ZNF765: variants seen among roughly 807,000 people sequenced by gnomAD.
ZNF765 encodes the protein zinc finger protein 765.
Under a neutral mutation model 44.7 loss-of-function variants are expected in ZNF765, and 37 were observed. The observed-to-expected ratio is 0.83, with a 90% CI of 0.64 to 1.09. The LOEUF is 1.09. ZNF765 is among the 50% of genes least tolerant of loss of function. The pLI, the probability that ZNF765 is intolerant of heterozygous loss-of-function variation, is 0.00. For synonymous variants in ZNF765, 201 were observed against 213.7 expected (o/e 0.94, Z 0.52); for missense variants, 594 against 626.1 (o/e 0.95, Z 0.55).
chr19:53,402,719 C>T (rs10420159), intron 3 of ZNF765, among the ~76,000 whole-genome samples: 127,445 of 151,974 alleles, frequency 0.84, 53,583 homozygotes, highest in Admixed American at 0.88. Context: ...GCCACCATGT[C>T]GGGCAACTTT....
intron 3 of ZNF765, among the ~76,000 whole-genome samples, chr19:53,418,931 A>AAG (rs56072251): frequency 7.2e-6 from 1 of 139,200 alleles, no homozygotes; most frequent in African/African-American, 2.7e-5. Context: ...AAAAAAAAAA[A>AAG]GTCCAGATAA....
At chr19:53,399,246 C>G (rs980839199) in intron 2 of ZNF765, among the ~76,000 whole-genome samples, 3 of 136,954 alleles carry the variant, frequency 2.2e-5, no homozygotes, top group Non-Finnish European at 3.1e-5. Context: ...TCCCCCACCC[C>G]ACAACAGTCC....
chr19:53,419,262 G>T (rs7250240), intron 3 of ZNF765, among the ~76,000 whole-genome samples: 25,323 of 152,108 alleles, frequency 0.17, 2,181 homozygotes, highest in South Asian at 0.19. Context: ...TTAGAAGTAT[G>T]CCCTTATGAC....
At chr19:53,421,668 C>T (rs1347831133) in intron 3 of ZNF765, among the ~76,000 whole-genome samples, 1 of 152,136 alleles carries the variant, frequency 6.6e-6, no homozygotes, top group African/African-American at 2.4e-5. Context: ...GTGCCTGCCA[C>T]TATTCCTGGC....
At chr19:53,412,385 C>T (rs2085840720), downstream of ZNF765, among the ~76,000 whole-genome samples, 1 of 152,150 alleles carries the variant, frequency 6.6e-6, no homozygotes, top group African/African-American at 2.4e-5. Context: ...ACTTGAATAT[C>T]TACAATCCTT....
chr19:53,421,465 T>C (rs533585304), intron 3 of ZNF765, among the ~76,000 whole-genome samples: 5 of 152,340 alleles, frequency 3.3e-5, no homozygotes, highest in African/African-American at 1.2e-4. Flanking sequence ...CATCCACAGG[T>C]GTAGAGGGGC....
chr19:53,398,704 G>A (rs1356870088), intron 2 of ZNF765, among the ~76,000 whole-genome samples: 1 of 152,128 alleles, frequency 6.6e-6, no homozygotes, highest in South Asian at 2.1e-4. Flanking sequence ...TGTGAAACAG[G>A]TGTTTTGGTT....
chr19:53,422,223 GA>G (rs1253277975), intron 3 of ZNF765, among the ~76,000 whole-genome samples: 1 of 152,150 alleles, frequency 6.6e-6, no homozygotes, highest in Non-Finnish European at 1.5e-5. Flanking sequence ...TTCATTATTG[GA>G]AGAACCCCGC....
Position 53,408,034 on chromosome 19 carries a change from T to A in ZNF765, c.479T>A (p.Ile160Asn). Residue 160 changes from isoleucine to asparagine, a missense_variant, in exon 4 of 4, where the codon ATT becomes AAT. By Grantham distance (149) the Ile-to-Asn change is moderately radical. Coordinates refer to ENST00000396408, the MANE Select transcript of ZNF765 (RefSeq NM_001040185.3). ...CACATATTTCACACTGAAGAGAAAA[T>A]TGATAATCAAGTTGTGAAGTCTATC... Reference protein sequence around the residue: ...ELHIFHTEEKIDNQVVKSIHD... With the variant: ...ELHIFHTEEKNDNQVVKSIHD... 1 of 1,614,124 alleles carries A rather than the reference T, an allele frequency of 6.2e-7. No homozygotes were observed. Among genetic ancestry groups the A allele is most frequent in the Non-Finnish European group, 8.5e-7 (1 of 1,180,020 alleles).
chr19:53,412,765 C>G (rs191550721), downstream of ZNF765, among the ~76,000 whole-genome samples: 11 of 152,172 alleles, frequency 7.2e-5, no homozygotes, highest in Admixed American at 7.2e-4. Context: ...GTGATCCACC[C>G]GCCTCGGCCT....
intron 3 of ZNF765, among the ~76,000 whole-genome samples, chr19:53,419,722 AAAAT>A (rs779163839): frequency 3.3e-5 from 5 of 152,190 alleles, no homozygotes; most frequent in Non-Finnish European, 7.3e-5. Flanking sequence ...TGGCCAATTA[AAAAT>A]AAATAAATGT....
At chr19:53,417,475 C>T (rs2085882268) in intron 3 of ZNF765, among the ~76,000 whole-genome samples, 1 of 152,168 alleles carries the variant, frequency 6.6e-6, no homozygotes, top group African/African-American at 2.4e-5. Context: ...TTTTTTATGG[C>T]TGCATAGTAT....
chr19:53,415,455 TGAAATTGTGTAGGC>T, downstream of ZNF765, among the ~76,000 whole-genome samples: 1 of 152,302 alleles, frequency 6.6e-6, no homozygotes, highest in Middle Eastern at 3.4e-3. Flanking sequence ...AGATATTCTA[TGAAATTGTGTAGGC>T]AGAAGGATAC....
intron 3 of ZNF765, among the ~76,000 whole-genome samples, chr19:53,418,564 T>G (rs1267801938): frequency 2.0e-5 from 3 of 151,964 alleles, no homozygotes; most frequent in East Asian, 1.9e-4. Context: ...TATACTTCAC[T>G]TTGACAGGTA....
downstream of ZNF765, among the ~76,000 whole-genome samples, chr19:53,416,909 G>A (rs1362729697): frequency 4.0e-5 from 6 of 151,352 alleles, 1 homozygote; most frequent in Admixed American, 1.3e-4. Context: ...CCTCTGCCTC[G>A]CAGGTTTGAG....
rs78051459 is a variant in ZNF765, at chr19:53,407,126, C to T, written c.143-572C>T. ...TCTTGGGTTCAAACGATTCTTGTGC[C>T]TCGTGAGTCCCATGAGTACGTGGGA... is the stretch of plus-strand genomic sequence containing the variant. On this transcript the variant is annotated intron_variant, in intron 3 of 3. Coordinates refer to ENST00000396408, the MANE Select transcript of ZNF765 (RefSeq NM_001040185.3). Among the ~76,000 whole-genome samples the T allele has an allele frequency of 3.1e-3, 467 of 151,954 alleles. 5 individuals are homozygous for T. The highest frequency in any genetic ancestry group is 0.01 in the African/African-American group (417 of 41,442).
intron 1 of ZNF765, among the ~76,000 whole-genome samples, chr19:53,395,925 A>G (rs2085663471): frequency 6.6e-6 from 1 of 152,130 alleles, no homozygotes; most frequent in African/African-American, 2.4e-5. Flanking sequence ...AGAAAAGAAG[A>G]ATAAAAAAGA....
intron 3 of ZNF765, 37 bp downstream of exon 3, chr19:53,402,228 G>A: frequency 2.6e-6 from 4 of 1,517,310 alleles, no homozygotes; most frequent in Non-Finnish European, 3.5e-6. Context: ...GTGCCCTTGC[G>A]TATCTTTGTA....
chr19:53,408,957 T>C lies in ZNF765; in HGVS notation c.1402T>C (p.Cys468Arg), dbSNP rs529733390. The C allele has an allele frequency of 6.2e-7, 1 of 1,604,290 alleles. No homozygotes were observed. Among genetic ancestry groups the C allele is most frequent in the East Asian group, 2.3e-5 (1 of 44,302 alleles). The part of the protein sequence containing the change: ...KIHTEENPYK[C>R]NECGKTFSRT... The stretch of plus-strand genomic sequence containing the variant: ...TCATACTGAAGAGAATCCTTACAAG[T>C]GTAATGAGTGTGGCAAGACCTTCAG... The change falls in exon 4 of 4, where the codon TGT becomes CGT. Residue 468 changes from cysteine to arginine, a missense_variant. This residue lies in a region of ZNF765 where 567 missense variants were observed against 572.6 expected (regional missense o/e 0.99). Coordinates refer to ENST00000396408, the MANE Select transcript of ZNF765 (RefSeq NM_001040185.3).
Sources: allele counts gnomAD v4.1 joint callset (sites outside exome capture counted in the v4.1 genomes callset), GRCh38; gene constraint gnomAD v4.1.1; regional missense constraint gnomAD v4.1.1; transcripts MANE v1.5; gene names NCBI Gene and HGNC (gene_info 2026-07-23, HGNC 2026-07-21).